RAB3D: variants seen among roughly 807,000 people sequenced by gnomAD.
RAB3D encodes RAB3D, member RAS oncogene family.
RAB3D carries 17 observed loss-of-function variants against 19.3 expected under a neutral mutation model. The observed-to-expected ratio is 0.88, with a 90% CI of 0.60 to 1.32. The LOEUF (loss-of-function observed/expected upper bound fraction) is 1.32, where lower values mean the gene tolerates loss of function less well. Ranked by LOEUF, RAB3D falls within the 40% of genes most tolerant of loss-of-function variation. The pLI is 0.00. For missense variants in RAB3D, 223 were observed against 299.1 expected (o/e 0.75, Z 1.88); for synonymous variants, 103 against 119.9 (o/e 0.86, Z 0.92).
intron 4 of RAB3D, chr19:11,326,747 G>A: frequency 2.9e-6 from 2 of 695,456 alleles, no homozygotes; most frequent in Non-Finnish European, 5.2e-6. Context: ...GGGGCTACAG[G>A]TGTGCCCCAC....
chr19:11,331,950 T>C (rs1016524506), intron 4 of RAB3D, among the ~76,000 whole-genome samples: 2 of 152,232 alleles, frequency 1.3e-5, no homozygotes, highest in African/African-American at 4.8e-5. Context: ...GAATAGATGA[T>C]TCAAGATTGA....
chr19:11,337,066 C>G lies in RAB3D; in HGVS notation c.228+106G>C, dbSNP rs1966901965. Reference sequence around the variant, plus strand: ...CCGAGATCCCGCCACTGCCCTCCAGCCTGGGCAACAGAGTGAGACTCCGTC... The same window carrying G: ...CCGAGATCCCGCCACTGCCCTCCAGGCTGGGCAACAGAGTGAGACTCCGTC... On this transcript the variant is annotated intron_variant, in intron 2 of 4. Transcript: ENST00000222120. 4.1e-6 allele frequency: 4 copies of G among 970,220 alleles called. No individual in the cohort carries two copies. In the Admixed American group the frequency reaches 6.4e-5, roughly 15 times the overall value. The allele number at this position is 970,220 out of a possible 1,614,324, so 60.1% of individuals were successfully genotyped here.
intron 2 of RAB3D, among the ~76,000 whole-genome samples, chr19:11,336,659 C>T (rs904494401): frequency 6.6e-6 from 1 of 151,852 alleles, no homozygotes; most frequent in African/African-American, 2.4e-5. Flanking sequence ...GCAATCAGAC[C>T]CCCAGGAATA....
intron 2 of RAB3D, 150 bp from the exon 3 acceptor site, chr19:11,335,933 C>T (rs1293184542): frequency 1.1e-5 from 8 of 717,952 alleles, no homozygotes; most frequent in Middle Eastern, 3.9e-4. Flanking sequence ...GGAGAATACA[C>T]AGATCCTGCC....
At chr19:11,326,072 A>T (rs1297879199) in intron 4 of RAB3D, among the ~76,000 whole-genome samples, 1 of 152,092 alleles carries the variant, frequency 6.6e-6, no homozygotes, top group African/African-American at 2.4e-5. Context: ...AAGACAAAAA[A>T]TTAGCTGGGC....
intron 4 of RAB3D, among the ~76,000 whole-genome samples, chr19:11,331,477 C>G (rs569231323): frequency 2.6e-5 from 4 of 151,562 alleles, no homozygotes; most frequent in Admixed American, 2.6e-4. Context: ...GAGGCTGAGG[C>G]AGGCCGACTG....
chr19:11,337,352 AT>A lies in RAB3D; in HGVS notation c.47del (p.Asp16ValfsTer12), dbSNP rs1402224772. 12 of 1,614,034 alleles carry A rather than the reference AT, an allele frequency of 7.4e-6. No individual in the cohort carries two copies. Among genetic ancestry groups the A allele is most frequent in the Non-Finnish European group, 9.3e-6 (11 of 1,180,042 alleles). Reference protein sequence around the residue: ...DTQAGPRDAADQNFDYMFKLL... With the variant: ...DTQAGPRDAAXQNFDYMFKLL... The stretch of plus-strand genomic sequence containing the variant: ...GTTTGAACATATAGTCGAAGTTCTG[AT>A]CTGCTGCATCCCGTGGGCCTGCCTG... On this transcript the variant is annotated frameshift_variant, in exon 2 of 5. Coordinates refer to ENST00000222120, the MANE Select transcript of RAB3D (RefSeq NM_004283.4). LOFTEE classifies it high-confidence loss of function.
At chr19:11,326,134 A>C (rs1306177011) in intron 4 of RAB3D, among the ~76,000 whole-genome samples, 2 of 151,820 alleles carry the variant, frequency 1.3e-5, no homozygotes, top group South Asian at 4.1e-4. Flanking sequence ...AGGCAGGAGA[A>C]TTGCTTGAAT....
At chr19:11,338,330 A>C (rs1966917271) in intron 1 of RAB3D, among the ~76,000 whole-genome samples, 7 of 152,192 alleles carry the variant, frequency 4.6e-5, no homozygotes. Context: ...TGGAGAAGGC[A>C]CAGGTGTGGA....
chr19:11,337,036 G>A, intron 2 of RAB3D, 136 bp downstream of exon 2: 1 of 699,760 alleles, frequency 1.4e-6, no homozygotes, highest in East Asian at 2.6e-5. Flanking sequence ...GGAGGTTGCA[G>A]TGAGCCGAGA....
intron 4 of RAB3D, among the ~76,000 whole-genome samples, chr19:11,330,618 C>T (rs528709018): frequency 1.3e-5 from 2 of 152,210 alleles, no homozygotes; most frequent in South Asian, 2.1e-4. Flanking sequence ...GGCACGATCT[C>T]GGCTCACTGC....
chr19:11,335,659 A>G lies in RAB3D; in HGVS notation c.347+6T>C, dbSNP rs534397393. The G allele has an allele frequency of 1.3e-5, 21 of 1,613,726 alleles. No homozygotes were observed. The highest frequency in any genetic ancestry group is 6.7e-5 in the Admixed American group (4 of 59,996). On this transcript the variant is annotated splice_donor_region_variant and intron_variant, in intron 3 of 4. Transcript: ENST00000222120. ...GATCAGGGGTCCATGATCAGCAAGC[A>G]CTCACCAGTCCTGCACAGCGGCAAA...
intron 4 of RAB3D, among the ~76,000 whole-genome samples, chr19:11,330,167 T>A (rs558700301): frequency 1.7e-4 from 26 of 152,142 alleles, no homozygotes; most frequent in African/African-American, 6.3e-4. Flanking sequence ...AGAACAGAGA[T>A]CCAGTTTCTC....
chr19:11,336,844 C>T (rs1053341396), intron 2 of RAB3D, among the ~76,000 whole-genome samples: 17 of 151,720 alleles, frequency 1.1e-4, no homozygotes, highest in African/African-American at 4.1e-4. Context: ...GTGGCGTGCA[C>T]CTGTAATCCC....
At chr19:11,333,447 G>C (rs1203912051) in intron 4 of RAB3D, among the ~76,000 whole-genome samples, 1 of 152,100 alleles carries the variant, frequency 6.6e-6, no homozygotes, top group Non-Finnish European at 1.5e-5. Flanking sequence ...ATATACAGTA[G>C]GGAACATCTG....
At chr19:11,332,637 C>T (rs1376963118) in intron 4 of RAB3D, among the ~76,000 whole-genome samples, 1 of 152,144 alleles carries the variant, frequency 6.6e-6, no homozygotes, top group Non-Finnish European at 1.5e-5. Flanking sequence ...ATTTTTATCA[C>T]AAAAAGTTAT....
chr19:11,333,160 A>C (rs901534230), intron 4 of RAB3D, among the ~76,000 whole-genome samples: 13 of 150,952 alleles, frequency 8.6e-5, no homozygotes, highest in Non-Finnish European at 1.6e-4. Flanking sequence ...GCTCACTGCA[A>C]GTTCCGCCTC....
In RAB3D at chr19:11,324,540, G is replaced by C. The variant is rs2080799923; in HGVS notation, c.*858C>G. 6.7e-6 allele frequency: 1 copy of C among 150,074 alleles called. No individual in the cohort carries two copies. The highest frequency in any genetic ancestry group is 1.5e-5 in the Non-Finnish European group (1 of 67,888). The allele number at this position is 150,074 out of a possible 1,614,324, so 9.3% of individuals were successfully genotyped here. A position where few individuals can be genotyped will look rare whatever the true frequency, so the allele number is the denominator to read the frequency against. On this transcript the variant is annotated 3_prime_UTR_variant, in exon 5 of 5. Transcript: ENST00000222120. ...GCCTGGGAGGGAGGCCCCAGCCCCA[G>C]GCTCCTGGCTCTGAGGTTAATTAAC... is the stretch of plus-strand genomic sequence containing the variant.
Position 11,337,468 on chromosome 19 carries a change from G to T in RAB3D, c.-61-8C>A, listed in dbSNP as rs1258888458. ...GGAGAGGAGACGGGCGTCCTGCAGG[G>T]GAATCAAACATCAAGAACAGCTCCT... On this transcript the variant is annotated splice_polypyrimidine_tract_variant and splice_region_variant and intron_variant, in intron 1 of 4. Coordinates refer to ENST00000222120, the MANE Select transcript of RAB3D (RefSeq NM_004283.4). 2 of 1,273,186 alleles carry T rather than the reference G, an allele frequency of 1.6e-6. No individual in the cohort carries two copies. Among genetic ancestry groups the T allele is most frequent in the African/African-American group, 1.5e-5 (1 of 68,136 alleles). The allele number at this position is 1,273,186 out of a possible 1,614,324, so 78.9% of individuals were successfully genotyped here. A position where few individuals can be genotyped will look rare whatever the true frequency, so the allele number is the denominator to read the frequency against.
Sources: gnomAD v4.1 joint callset for allele counts (sites outside exome capture counted in the v4.1 genomes callset) on GRCh38, gnomAD v4.1.1 for gene constraint, MANE v1.5 for transcripts, NCBI Gene and HGNC (gene_info 2026-07-23, HGNC 2026-07-21) for gene names.